The following PLCB4 variants were observed in gnomAD, a reference collection of about 807,000 sequenced individuals.
The protein encoded by PLCB4 is phospholipase C beta 4, also known as 1-phosphatidylinositol 4,5-bisphosphate phosphodiesterase beta-4.
Under a neutral mutation model 178.8 loss-of-function variants are expected in PLCB4, and 77 were observed. That is an observed-to-expected ratio of 0.43 (90% CI 0.36 to 0.52). PLCB4 has a LOEUF of 0.52. Ranked by LOEUF, PLCB4 falls within the 20% of genes least tolerant of loss-of-function variation. PLCB4 has a pLI of 0.00. For synonymous variants in PLCB4, 496 were observed against 490.8 expected, an observed-to-expected ratio of 1.01 and a Z score of -0.14; for missense variants, 1,024 against 1,453.4, an observed-to-expected ratio of 0.70 and a Z score of 4.80.
chr20:9,231,327 A>C (rs1001400828), intron 3 of PLCB4, among the ~76,000 whole-genome samples: 1 of 152,232 alleles, frequency 6.6e-6, no homozygotes, highest in Admixed American at 6.5e-5. Flanking sequence ...GGTCGTATGA[A>C]GCTCTTACAG....
At chr20:9,146,586 A>G (rs761502678) in intron 2 of PLCB4, among the ~76,000 whole-genome samples, 11 of 152,268 alleles carry the variant, frequency 7.2e-5, no homozygotes, top group Non-Finnish European at 1.5e-4. Flanking sequence ...GCACAAGGGG[A>G]ACATTTTTAT....
chr20:9,341,824 G>A (rs1162934204), intron 7 of PLCB4, among the ~76,000 whole-genome samples: 1 of 152,114 alleles, frequency 6.6e-6, no homozygotes, highest in Non-Finnish European at 1.5e-5. Context: ...TGAAATTTAA[G>A]AGCAGCTAGC....
chr20:9,282,858 C>A (rs1056999909), intron 3 of PLCB4, among the ~76,000 whole-genome samples: 8 of 151,964 alleles, frequency 5.3e-5, no homozygotes, highest in Non-Finnish European at 7.4e-5. Flanking sequence ...TTCTATGTGG[C>A]CTCTCATCTT....
rs143800001 is a variant in PLCB4, at chr20:9,328,535, G to A, written c.85-8591G>A. Among the ~76,000 whole-genome samples the A allele has an allele frequency of 4.7e-3, 721 of 152,292 alleles. 10 individuals are homozygous for A. Among genetic ancestry groups the A allele is most frequent in the African/African-American group, 0.017 (692 of 41,560 alleles). The stretch of plus-strand genomic sequence containing the variant: ...ACCCATCTGATCCTTTGTGATGATT[G>A]CTGGCATCAGTGGCAAGGAGAATAG... On this transcript the variant is annotated intron_variant, in intron 4 of 39. Coordinates refer to ENST00000378473, the MANE Select transcript of PLCB4 (RefSeq NM_001377142.1).
At chr20:9,365,268 C>A (rs1408367377) in intron 8 of PLCB4, among the ~76,000 whole-genome samples, 193 bp from the exon 9 acceptor site, 1 of 152,126 alleles carries the variant, frequency 6.6e-6, no homozygotes, top group African/African-American at 2.4e-5. Context: ...TTCTGAAATT[C>A]AAGTTTAACT....
chr20:9,118,904 T>C (rs372226638), intron 2 of PLCB4, among the ~76,000 whole-genome samples: 26 of 152,320 alleles, frequency 1.7e-4, no homozygotes, highest in African/African-American at 6.3e-4. Context: ...GTCACCTTTA[T>C]TAAGGCTCTC....
At chr20:9,283,037 T>G (rs2094507830) in intron 3 of PLCB4, among the ~76,000 whole-genome samples, 2 of 152,006 alleles carry the variant, frequency 1.3e-5, no homozygotes, top group East Asian at 3.9e-4. Flanking sequence ...CTTCATATCT[T>G]GATGGGAGAA....
chr20:9,393,280 GC>G (rs2038299350), intron 17 of PLCB4, among the ~76,000 whole-genome samples: 2 of 152,262 alleles, frequency 1.3e-5, no homozygotes, highest in South Asian at 4.2e-4. Flanking sequence ...AAGGTGCAAG[GC>G]CCTCTGGGGA....
intron 7 of PLCB4, among the ~76,000 whole-genome samples, chr20:9,354,512 C>G (rs1367241359): frequency 2.0e-5 from 3 of 152,116 alleles, no homozygotes; most frequent in Non-Finnish European, 4.4e-5. Context: ...GCCCTGCCCC[C>G]AAGTTGCTGA....
At position 9,098,741 on chromosome 20, in the gene PLCB4, A is replaced by ATGTGTGTGTGTG. The variant is rs35465129; in HGVS notation, c.-79+2411_-79+2422dup. ...CGTGTGTGTGTATATATATACATAT[A>ATGTGTGTGTGTG]TGTGTGTGTGTGTGTGTGTGTGTAT... On this transcript the variant is annotated intron_variant, in intron 2 of 39. Transcript: ENST00000378473. Among the ~76,000 whole-genome samples the ATGTGTGTGTGTG allele has an allele frequency of 4.8e-3, 656 of 135,452 alleles. 3 individuals are homozygous for ATGTGTGTGTGTG. The highest frequency in any genetic ancestry group is 0.014 in the African/African-American group (493 of 34,826). 88.9% of individuals were successfully genotyped at this position (135,452 alleles called of 152,430 possible).
At chr20:9,078,229 C>A (rs536481175) in intron 1 of PLCB4, among the ~76,000 whole-genome samples, 3 of 152,298 alleles carry the variant, frequency 2.0e-5, no homozygotes, top group Non-Finnish European at 2.9e-5. Flanking sequence ...AGTCCCCCCA[C>A]CTCAGCCTTC....
At chr20:9,411,406 AT>A (rs1305611591) in intron 25 of PLCB4, among the ~76,000 whole-genome samples, 1 of 152,224 alleles carries the variant, frequency 6.6e-6, no homozygotes, top group Non-Finnish European at 1.5e-5. Context: ...ACACTTGGAC[AT>A]TAACTGGAGA....
intron 2 of PLCB4, among the ~76,000 whole-genome samples, chr20:9,155,302 A>G (rs1237494979): frequency 1.3e-5 from 2 of 152,150 alleles, no homozygotes; most frequent in Admixed American, 6.5e-5. Flanking sequence ...ATGGCTGAAT[A>G]GTATTCCATG....
At chr20:9,241,031 G>A (rs980225612) in intron 3 of PLCB4, among the ~76,000 whole-genome samples, 1 of 152,046 alleles carries the variant, frequency 6.6e-6, no homozygotes, top group Admixed American at 6.6e-5. Context: ...TGTCTCCAAT[G>A]GTTTAGAAGG....
intron 12 of PLCB4, among the ~76,000 whole-genome samples, chr20:9,378,401 G>A (rs938663677): frequency 2.6e-5 from 4 of 152,156 alleles, no homozygotes; most frequent in African/African-American, 9.7e-5. Flanking sequence ...GAGAAGGGAT[G>A]TGCCTAGAAA....
chr20:9,207,494 C>T (rs192494639), intron 2 of PLCB4, among the ~76,000 whole-genome samples: 2 of 152,346 alleles, frequency 1.3e-5, no homozygotes, highest in East Asian at 3.9e-4. Context: ...GTACTCCCCA[C>T]CCCAGCTCTA....
chr20:9,251,643 T>C (rs1332024874), intron 3 of PLCB4, among the ~76,000 whole-genome samples: 2 of 152,186 alleles, frequency 1.3e-5, no homozygotes, highest in Non-Finnish European at 2.9e-5. Context: ...CTCCCTTTTT[T>C]TACTAACTTC....
Position 9,127,928 on chromosome 20 carries a change from C to A in PLCB4, c.-79+31586C>A, listed in dbSNP as rs1031799794. On this transcript the variant is annotated intron_variant, in intron 2 of 39. Transcript: ENST00000378473. Reference sequence around the variant, plus strand: ...TCTTGAACTCCTGACCTCAAGTGATCTGCCCGCCTCGGCCTCCCAAAGTGC... The same window carrying A: ...TCTTGAACTCCTGACCTCAAGTGATATGCCCGCCTCGGCCTCCCAAAGTGC... Among the ~76,000 whole-genome samples the A allele has an allele frequency of 4.6e-5, 7 of 152,150 alleles. 1 individual carries two copies. The highest frequency in any genetic ancestry group is 2.0e-4 in the Admixed American group (3 of 15,280).
At chr20:9,208,896 C>T (rs1388906590) in intron 2 of PLCB4, among the ~76,000 whole-genome samples, 1 of 152,164 alleles carries the variant, frequency 6.6e-6, no homozygotes, top group Non-Finnish European at 1.5e-5. Flanking sequence ...GTGTAACTTC[C>T]CAATAATCAA....
Sources: gnomAD v4.1 joint callset for allele counts (sites outside exome capture counted in the v4.1 genomes callset) on GRCh38, gnomAD v4.1.1 for gene constraint, MANE v1.5 for transcripts, NCBI Gene and HGNC (gene_info 2026-07-23, HGNC 2026-07-21) for gene names.